IFT74: variants seen among roughly 807,000 people sequenced by gnomAD.
The protein encoded by IFT74 is intraflagellar transport 74, also known as intraflagellar transport protein 74 homolog.
A neutral mutation model predicts 96.7 loss-of-function variants in IFT74; 92 were observed. The ratio of observed to expected loss-of-function variants is 0.95; its 90% CI spans 0.80 to 1.13. IFT74 has a LOEUF of 1.13. Ranked by LOEUF, IFT74 falls within the 50% of genes most tolerant of loss-of-function variation. IFT74 has a pLI of 0.00. For synonymous variants in IFT74, 223 were observed against 213.2 expected (o/e 1.05, Z -0.40); for missense variants, 811 against 698.2 (o/e 1.16, Z -1.82).
intron 12 of IFT74, chr9:27,028,750 G>A (rs1263005687): frequency 6.4e-5 from 13 of 204,190 alleles, no homozygotes; most frequent in Non-Finnish European, 1.2e-4. Context: ...GCGAGACCCC[G>A]TCTCAAAGAA....
intron 8 of IFT74, among the ~76,000 whole-genome samples, chr9:27,002,897 A>T (rs1828575703): frequency 6.6e-6 from 1 of 152,112 alleles, no homozygotes; most frequent in Admixed American, 6.6e-5. Flanking sequence ...ATATTTTAGC[A>T]ATGTTCTTCC....
intron 18 of IFT74, among the ~76,000 whole-genome samples, chr9:27,058,074 C>A (rs534238183): frequency 1.7e-4 from 26 of 151,310 alleles, no homozygotes; most frequent in Admixed American, 1.2e-3. Context: ...TCAACATTTT[C>A]TTAACTTTTT....
intron 14 of IFT74, among the ~76,000 whole-genome samples, chr9:27,045,676 TTTAAG>T (rs2131681368): frequency 6.6e-6 from 1 of 152,312 alleles, no homozygotes; most frequent in East Asian, 1.9e-4. Context: ...CTGGTTTCCT[TTTAAG>T]TTATCATTTT....
At position 27,062,857 on chromosome 9, in the gene IFT74, A is replaced by G. The variant is rs1820489501; in HGVS notation, c.*121A>G. On this transcript the variant is annotated 3_prime_UTR_variant, in exon 20 of 20. Transcript: ENST00000380062. Reference sequence around the variant, plus strand: ...TTTACCTAAAATTTCTGAATGTTATAATTTTTGTGGCCTCTTTTAAGAATG... The same window carrying G: ...TTTACCTAAAATTTCTGAATGTTATGATTTTTGTGGCCTCTTTTAAGAATG... 1 of 636,962 alleles carries G rather than the reference A, an allele frequency of 1.6e-6. No homozygotes were observed. The highest frequency in any genetic ancestry group is 1.9e-5 in the African/African-American group (1 of 51,354). 39.5% of individuals were successfully genotyped at this position (636,962 alleles called of 1,614,324 possible). A position where few individuals can be genotyped will look rare whatever the true frequency, so the allele number is the denominator to read the frequency against.
At chr9:27,012,015 A>T (rs965108546) in intron 10 of IFT74, 47 bp downstream of exon 10, 4 of 1,213,298 alleles carry the variant, frequency 3.3e-6, no homozygotes, top group African/African-American at 3.2e-5. Flanking sequence ...CAGCTAAAAA[A>T]GTTAATTCAG....
rs1380729705 is a variant in IFT74 at position 27,063,089 on chromosome 9, G to T, written c.*353G>T. On this transcript the variant is annotated 3_prime_UTR_variant, in exon 20 of 20. Transcript: ENST00000380062. Reference sequence around the variant, plus strand: ...ACTCTAGGACGGATGCATGGAGTATGATTCTGATTTAGCACTTAGATCAAC... The same window carrying T: ...ACTCTAGGACGGATGCATGGAGTATTATTCTGATTTAGCACTTAGATCAAC... Among the ~76,000 whole-genome samples, 2 of 152,098 alleles carry T rather than the reference G, an allele frequency of 1.3e-5. No individual in the cohort carries two copies. Among genetic ancestry groups the T allele is most frequent in the South Asian group, 2.1e-4 (1 of 4,824 alleles).
intron 12 of IFT74, chr9:27,028,795 C>T (rs547779742): frequency 1.0e-5 from 3 of 290,590 alleles, no homozygotes; most frequent in South Asian, 1.7e-4. Flanking sequence ...TTCTTCCTCT[C>T]TAAATTTATA....
At chr9:27,029,991 G>A (rs1830047801) in intron 13 of IFT74, among the ~76,000 whole-genome samples, 1 of 152,020 alleles carries the variant, frequency 6.6e-6, no homozygotes, top group Admixed American at 6.6e-5. Context: ...AGGGAGCTTG[G>A]GGTTTGACTA....
chr9:27,021,565 G>A (rs964377561), intron 12 of IFT74, among the ~76,000 whole-genome samples: 1 of 152,072 alleles, frequency 6.6e-6, no homozygotes, highest in African/African-American at 2.4e-5. Flanking sequence ...GTTTTGATTT[G>A]CATTTCCCTG....
chr9:27,019,788 A>G (rs532417274), intron 12 of IFT74, among the ~76,000 whole-genome samples: 23 of 151,992 alleles, frequency 1.5e-4, no homozygotes, highest in African/African-American at 5.5e-4. Context: ...TCTCTTGTAT[A>G]TATACCTAGG....
At chr9:27,001,322 G>T (rs1828472793) in intron 8 of IFT74, among the ~76,000 whole-genome samples, 1 of 152,016 alleles carries the variant, frequency 6.6e-6, no homozygotes, top group East Asian at 1.9e-4. Flanking sequence ...TGTATACCCA[G>T]TGGAATTACT....
intron 11 of IFT74, among the ~76,000 whole-genome samples, chr9:27,017,732 T>C (rs1367690425): frequency 6.6e-6 from 1 of 152,186 alleles, no homozygotes; most frequent in Non-Finnish European, 1.5e-5. Context: ...GAGAATGGAA[T>C]TAAAATGTCC....
chr9:26,966,326 G>A (rs1826611801), intron 2 of IFT74, among the ~76,000 whole-genome samples: 1 of 151,642 alleles, frequency 6.6e-6, no homozygotes, highest in African/African-American at 2.4e-5. Flanking sequence ...TTATATATTT[G>A]TCAGCATTTG....
chr9:27,065,356 C>T lies in IFT74; in HGVS notation c.*2620C>T, dbSNP rs1206497337. On this transcript the variant is annotated 3_prime_UTR_variant, in exon 20 of 20. Transcript: ENST00000380062. Reference sequence around the variant, plus strand: ...GGAGGCTAATAGCTGCATGAACTGGCTCTTCCTGAGTCAGTCACATTACTC... The same window carrying T: ...GGAGGCTAATAGCTGCATGAACTGGTTCTTCCTGAGTCAGTCACATTACTC... Among the ~76,000 whole-genome samples, 1 of 152,138 alleles carries T rather than the reference C, an allele frequency of 6.6e-6. No individual in the cohort carries two copies. The highest frequency in any genetic ancestry group is 1.5e-5 in the Non-Finnish European group (1 of 67,990).
At chr9:26,960,040 G>A (rs1035657958) in intron 1 of IFT74, among the ~76,000 whole-genome samples, 2 of 152,110 alleles carry the variant, frequency 1.3e-5, no homozygotes, top group African/African-American at 4.8e-5. Context: ...GAGAGAAGGA[G>A]GAGAGTTCTT....
At chr9:26,953,443 C>T (rs1825993929), upstream of IFT74, among the ~76,000 whole-genome samples, 1 of 152,094 alleles carries the variant, frequency 6.6e-6, no homozygotes, top group Admixed American at 6.6e-5. Flanking sequence ...TGTATAAATT[C>T]AGTGTGAATA....
At chr9:27,013,958 G>C (rs1420793726) in intron 10 of IFT74, among the ~76,000 whole-genome samples, 1 of 152,220 alleles carries the variant, frequency 6.6e-6, no homozygotes, top group African/African-American at 2.4e-5. Flanking sequence ...GCTCACGCCT[G>C]TAATCCCAGC....
intron 8 of IFT74, among the ~76,000 whole-genome samples, chr9:26,990,972 T>C (rs945672502): frequency 1.3e-5 from 2 of 152,224 alleles, no homozygotes; most frequent in Admixed American, 6.5e-5. Flanking sequence ...ACAAACACAA[T>C]GAGCTATGTT....
At chr9:27,019,846 C>T (rs1829514408) in intron 12 of IFT74, among the ~76,000 whole-genome samples, 1 of 152,030 alleles carries the variant, frequency 6.6e-6, no homozygotes, top group Admixed American at 6.5e-5. Flanking sequence ...GAAGAACTAC[C>T]AGACTGTTTT....
Sources: allele counts gnomAD v4.1 joint callset (sites outside exome capture counted in the v4.1 genomes callset), GRCh38; gene constraint gnomAD v4.1.1; transcripts MANE v1.5; gene names NCBI Gene and HGNC (gene_info 2026-07-23, HGNC 2026-07-21).